The following BACE2 variants were observed in gnomAD, a reference collection of about 807,000 sequenced individuals.
BACE2 encodes beta-secretase 2, also known as 56 kDa aspartic-like protease.
A neutral mutation model predicts 46.2 loss-of-function variants in BACE2; 17 were observed. The ratio of observed to expected loss-of-function variants is 0.37; its 90% CI spans 0.25 to 0.55. The LOEUF is 0.55. BACE2 is among the 20% of genes least tolerant of loss of function. BACE2 has a pLI of 0.82. For missense variants in BACE2, 595 were observed against 698.1 expected (o/e 0.85, Z 1.66); for synonymous variants, 277 against 295.9 (o/e 0.94, Z 0.66).
intron 5 of BACE2, 51 bp from the exon 6 acceptor site, chr21:41,245,911 G>A (rs759941167): frequency 1.7e-5 from 25 of 1,431,968 alleles, no homozygotes; most frequent in African/African-American, 5.6e-5. Context: ...CACGTGGGGC[G>A]GGGAGCGCCA....
Position 41,250,860 on chromosome 21 carries a change from G to A in BACE2, c.1093G>A (p.Glu365Lys). Residue 365 changes from glutamate to lysine, a missense_variant, in exon 7 of 9, where the codon GAG (glutamate) becomes AAG (lysine). This residue lies in a region of BACE2 where 343 missense variants were observed against 419.4 expected (regional missense o/e 0.82). Coordinates refer to ENST00000330333, the MANE Select transcript of BACE2 (RefSeq NM_012105.5). ...FPKISIYLRD[E>K]NSSRSFRITI... ...TAAAATCTCCATCTACCTGAGAGACGAGAACTCCAGCAGGTCATTCCGTAT... is the reference window on the plus strand; with the variant it reads ...TAAAATCTCCATCTACCTGAGAGACAAGAACTCCAGCAGGTCATTCCGTAT... 5.0e-6 allele frequency: 8 copies of A among 1,614,154 alleles called. No homozygotes were observed. Among genetic ancestry groups the A allele is most frequent in the Non-Finnish European group, 6.8e-6 (8 of 1,179,996 alleles).
chr21:41,240,896 G>A (rs909967115), intron 3 of BACE2, among the ~76,000 whole-genome samples: 8 of 152,190 alleles, frequency 5.3e-5, no homozygotes, highest in Admixed American at 1.3e-4. Context: ...TAGTTCTCAC[G>A]GATAGTAAAT....
At chr21:41,206,520 T>G (rs1986131018) in intron 1 of BACE2, among the ~76,000 whole-genome samples, 1 of 152,250 alleles carries the variant, frequency 6.6e-6, no homozygotes, top group Non-Finnish European at 1.5e-5. Context: ...CCTTATGCTA[T>G]GTGATAGAAG....
At chr21:41,250,324 G>A (rs1189587599) in intron 6 of BACE2, among the ~76,000 whole-genome samples, 2 of 152,152 alleles carry the variant, frequency 1.3e-5, no homozygotes, top group African/African-American at 4.8e-5. Context: ...AATTCAGAGG[G>A]CAAGTGATAA....
At chr21:41,170,340 T>G (rs1298076517) in intron 1 of BACE2, among the ~76,000 whole-genome samples, 1 of 152,254 alleles carries the variant, frequency 6.6e-6, no homozygotes, top group East Asian at 1.9e-4. Context: ...GCTCCTGTCT[T>G]TACCGTAGCC....
chr21:41,241,847 A>G lies in BACE2; in HGVS notation c.647A>G (p.Asp216Gly). 1 of 1,613,198 alleles carries G rather than the reference A, an allele frequency of 6.2e-7. No homozygotes were observed. The highest frequency in any genetic ancestry group is 8.5e-7 in the Non-Finnish European group (1 of 1,179,828). ...KPSSSLETFF[D>G]SLVTQANIPN... ...TCAAGTTCTCTGGAGACCTTCTTCG[A>G]CTCCCTGGTGACACAAGCAAACATC... Residue 216 changes from aspartate (D) to glycine (G), a missense_variant, in exon 4 of 9, where the codon GAC becomes GGC. Physicochemically the swap from Asp to Gly is moderately conservative, Grantham distance 94. Transcript: ENST00000330333.
chr21:41,244,438 G>T (rs1987398076), intron 5 of BACE2, among the ~76,000 whole-genome samples: 1 of 152,074 alleles, frequency 6.6e-6, no homozygotes. Flanking sequence ...ATCAAAGGGG[G>T]TTGTTCTCTG....
chr21:41,268,115 G>A (rs965902448), intron 8 of BACE2, among the ~76,000 whole-genome samples: 33 of 152,280 alleles, frequency 2.2e-4, no homozygotes, highest in African/African-American at 6.7e-4. Flanking sequence ...ACGTAGCACC[G>A]ATCTTAGCCC....
chr21:41,199,921 C>G (rs575065398), intron 1 of BACE2, among the ~76,000 whole-genome samples: 36 of 151,892 alleles, frequency 2.4e-4, no homozygotes, highest in African/African-American at 7.2e-4. Flanking sequence ...GGTTTTTTGT[C>G]CTTGCGACAG....
intron 2 of BACE2, among the ~76,000 whole-genome samples, chr21:41,235,531 C>T (rs1987091880): frequency 6.6e-6 from 1 of 152,094 alleles, no homozygotes; most frequent in African/African-American, 2.4e-5. Flanking sequence ...ATGAGATATA[C>T]CAAGAATGAG....
intron 5 of BACE2, among the ~76,000 whole-genome samples, chr21:41,244,346 G>A (rs1359722137): frequency 6.6e-6 from 1 of 152,168 alleles, no homozygotes; most frequent in East Asian, 1.9e-4. Flanking sequence ...GTGCAGGTGG[G>A]CTGAGTCTGA....
At position 41,182,581 on chromosome 21, in the gene BACE2, A is replaced by G. The variant is rs938634392; in HGVS notation, c.312+14006A>G. The G allele has an allele frequency of 1.4e-4, 23 of 167,110 alleles. 1 individual carries two copies. In the Admixed American group the frequency reaches 1.5e-3, roughly 11 times the overall value. The allele number at this position is 167,110 out of a possible 1,614,324, so 10.4% of individuals were successfully genotyped here. ...TACAAGCCAAGACCACAGCAGCTCA[A>G]CACATAAAATCCATAGACAAATCAG... On this transcript the variant is annotated intron_variant, in intron 1 of 8. Transcript: ENST00000330333.
At chr21:41,212,579 CT>C (rs1419113959) in intron 1 of BACE2, among the ~76,000 whole-genome samples, 7 of 152,282 alleles carry the variant, frequency 4.6e-5, no homozygotes, top group African/African-American at 1.7e-4. Flanking sequence ...CAGTGCACAT[CT>C]GGGGCTCAAC....
intron 8 of BACE2, 113 bp from the exon 9 acceptor site, chr21:41,275,258 A>G: frequency 6.9e-7 from 1 of 1,440,466 alleles, no homozygotes; most frequent in Middle Eastern, 2.5e-4. Context: ...AGCCACTGGG[A>G]CCTCAGTGGA....
At chr21:41,203,003 T>C (rs988366092) in intron 1 of BACE2, among the ~76,000 whole-genome samples, 1 of 152,196 alleles carries the variant, frequency 6.6e-6, no homozygotes, top group African/African-American at 2.4e-5. Context: ...AATCCACATG[T>C]GACTGCAAAC....
At chr21:41,207,210 G>T (rs1986155465) in intron 1 of BACE2, among the ~76,000 whole-genome samples, 3 of 152,196 alleles carry the variant, frequency 2.0e-5, no homozygotes, top group South Asian at 4.1e-4. Flanking sequence ...TGCATAATGG[G>T]TTCTTAGGGG....
At chr21:41,257,091 C>G (rs1306796394) in intron 7 of BACE2, 67 bp from the exon 8 acceptor site, 1 of 1,595,256 alleles carries the variant, frequency 6.3e-7, no homozygotes, top group African/African-American at 1.3e-5. Context: ...GTGACCTCAG[C>G]AATTTTGTGA....
At chr21:41,268,785 A>T (rs2123647259) in intron 8 of BACE2, among the ~76,000 whole-genome samples, 1 of 152,152 alleles carries the variant, frequency 6.6e-6, no homozygotes, top group South Asian at 2.1e-4. Context: ...ATTGAAGAAA[A>T]TTAATTTTAT....
chr21:41,270,696 T>C (rs1271703516), intron 8 of BACE2, among the ~76,000 whole-genome samples: 1 of 152,244 alleles, frequency 6.6e-6, no homozygotes, highest in Non-Finnish European at 1.5e-5. Flanking sequence ...ATTGAATCTT[T>C]TGAAATTTAT....
Sources: gnomAD v4.1 joint callset for allele counts (sites outside exome capture counted in the v4.1 genomes callset) on GRCh38, gnomAD v4.1.1 for gene constraint, gnomAD v4.1.1 regional missense constraint, MANE v1.5 for transcripts, NCBI Gene and HGNC (gene_info 2026-07-23, HGNC 2026-07-21) for gene names.